Variants in FHIT observed in about 807,000 individuals in gnomAD.
The protein encoded by FHIT is fragile histidine triad diadenosine triphosphatase, also known as bis(5'-adenosyl)-triphosphatase.
FHIT carries 19 observed loss-of-function variants against 17.9 expected under a neutral mutation model. The observed-to-expected ratio is 1.06, with a 90% CI of 0.74 to 1.56. The LOEUF is 1.56. FHIT is among the 40% of genes most tolerant of loss of function. The pLI is 0.00. For synonymous variants in FHIT, 81 were observed against 69.7 expected (o/e 1.16, Z -0.81); for missense variants, 248 against 189.2 (o/e 1.31, Z -1.82).
chr3:60,512,886 A>T (rs1487407625), intron 5 of FHIT, among the ~76,000 whole-genome samples: 1 of 152,228 alleles, frequency 6.6e-6, no homozygotes, highest in Non-Finnish European at 1.5e-5. Flanking sequence ...TTTAATAACC[A>T]AATGCAATTT....
chr3:60,031,290 T>C (rs983836285), intron 5 of FHIT, among the ~76,000 whole-genome samples: 6 of 152,184 alleles, frequency 3.9e-5, no homozygotes, highest in Non-Finnish European at 5.9e-5. Flanking sequence ...GAACAGCCTA[T>C]AGCACATTCA....
chr3:59,803,735 C>T (rs950808118), intron 8 of FHIT, among the ~76,000 whole-genome samples: 3 of 148,642 alleles, frequency 2.0e-5, no homozygotes, highest in Non-Finnish European at 4.5e-5. Flanking sequence ...TTGCCTTGAA[C>T]AACCAAGCCT....
chr3:60,925,230 G>A (rs1286714183), intron 3 of FHIT, among the ~76,000 whole-genome samples: 1 of 152,146 alleles, frequency 6.6e-6, no homozygotes, highest in Admixed American at 6.5e-5. Flanking sequence ...TACTCCTCGA[G>A]AAGAGCAACT....
At chr3:60,490,822 G>C (rs1420331973) in intron 5 of FHIT, among the ~76,000 whole-genome samples, 1 of 152,130 alleles carries the variant, frequency 6.6e-6, no homozygotes, top group Non-Finnish European at 1.5e-5. Flanking sequence ...CTACAGGGTA[G>C]ATAGTAGCAT....
At chr3:59,844,018 C>A (rs984287308) in intron 8 of FHIT, among the ~76,000 whole-genome samples, 11 of 152,062 alleles carry the variant, frequency 7.2e-5, no homozygotes, top group Non-Finnish European at 1.2e-4. Flanking sequence ...CCCACACCCT[C>A]CTTCTCTTTT....
chr3:60,976,628 A>C (rs1371767708), intron 3 of FHIT, among the ~76,000 whole-genome samples: 1 of 152,198 alleles, frequency 6.6e-6, no homozygotes, highest in Non-Finnish European at 1.5e-5. Flanking sequence ...TGTTTCTGTG[A>C]AGAACATGTT....
At chr3:60,747,439 A>G (rs1338824768) in intron 4 of FHIT, among the ~76,000 whole-genome samples, 1 of 152,156 alleles carries the variant, frequency 6.6e-6, no homozygotes, top group Non-Finnish European at 1.5e-5. Flanking sequence ...TTGTATCCCC[A>G]GCCCCTAGCA....
intron 4 of FHIT, among the ~76,000 whole-genome samples, chr3:60,733,126 T>C (rs1433290687): frequency 6.6e-6 from 1 of 152,210 alleles, no homozygotes; most frequent in African/African-American, 2.4e-5. Context: ...GCAAGCATGA[T>C]GCTAGAGAGC....
At chr3:60,679,519 G>A (rs1213840513) in intron 4 of FHIT, among the ~76,000 whole-genome samples, 2 of 152,044 alleles carry the variant, frequency 1.3e-5, no homozygotes, top group South Asian at 2.1e-4. Flanking sequence ...ACATAGCAAT[G>A]CAATTTTCCC....
chr3:60,036,226 A>T (rs1239138200), intron 5 of FHIT, among the ~76,000 whole-genome samples: 1 of 152,184 alleles, frequency 6.6e-6, no homozygotes. Context: ...CCCTATCTCC[A>T]TGTGTCCCAA....
At chr3:61,234,483 A>G (rs1321128531) in intron 1 of FHIT, among the ~76,000 whole-genome samples, 1 of 152,148 alleles carries the variant, frequency 6.6e-6, no homozygotes, top group Admixed American at 6.5e-5. Context: ...AGAAAACAAA[A>G]CTGTATGTAA....
Position 59,993,814 on chromosome 3 carries a change from C to A in FHIT, c.279+17557G>T, listed in dbSNP as rs1176015988. On this transcript the variant is annotated intron_variant, in intron 7 of 9. Transcript: ENST00000492590. ...CTAGGTCTTGAGCAAGTCACTGCTT[C>A]CCTCTGAACCTCAGTTAACCTCATC... 5.9e-5 allele frequency among the ~76,000 whole-genome samples: 9 copies of A among 152,120 alleles called. No individual in the cohort carries two copies. The East Asian group carries it at 1.6e-3, about 26-fold the overall frequency.
chr3:61,016,999 T>C (rs2032147446), intron 3 of FHIT, among the ~76,000 whole-genome samples: 1 of 140,268 alleles, frequency 7.1e-6, no homozygotes, highest in Non-Finnish European at 1.5e-5. Context: ...AAAAATAAAA[T>C]ACAGAGGCTG....
At chr3:59,934,310 T>C (rs895652453) in intron 7 of FHIT, among the ~76,000 whole-genome samples, 4 of 152,144 alleles carry the variant, frequency 2.6e-5, no homozygotes, top group African/African-American at 9.7e-5. Context: ...CCAAGTGTGA[T>C]ACTACTATCA....
chr3:60,984,327 T>A (rs780016177), intron 3 of FHIT, among the ~76,000 whole-genome samples: 1 of 152,252 alleles, frequency 6.6e-6, no homozygotes, highest in Non-Finnish European at 1.5e-5. Flanking sequence ...TCTGCTAATG[T>A]TCTTCTTAAG....
intron 5 of FHIT, among the ~76,000 whole-genome samples, chr3:60,251,796 C>G (rs1233750833): frequency 6.6e-6 from 1 of 152,166 alleles, no homozygotes; most frequent in African/African-American, 2.4e-5. Context: ...GGAAATCTTG[C>G]TTGTAAGTCA....
intron 3 of FHIT, among the ~76,000 whole-genome samples, chr3:60,857,410 C>T (rs1005061304): frequency 1.3e-5 from 2 of 152,146 alleles, no homozygotes; most frequent in African/African-American, 4.8e-5. Flanking sequence ...AGCTTCACTA[C>T]TTATCAGCTG....
intron 8 of FHIT, among the ~76,000 whole-genome samples, chr3:59,827,300 T>A (rs1326621983): frequency 1.3e-5 from 2 of 152,200 alleles, no homozygotes; most frequent in Non-Finnish European, 2.9e-5. Flanking sequence ...ACTGCTGAGT[T>A]AAATTGGAAT....
chr3:60,303,768 A>G (rs1708544907), intron 5 of FHIT, among the ~76,000 whole-genome samples: 1 of 152,030 alleles, frequency 6.6e-6, no homozygotes, highest in African/African-American at 2.4e-5. Context: ...GATGAGAAAT[A>G]CTCCCAGTTG....
Sources: gnomAD v4.1 joint callset for allele counts (sites outside exome capture counted in the v4.1 genomes callset) on GRCh38, gnomAD v4.1.1 for gene constraint, MANE v1.5 for transcripts, NCBI Gene and HGNC (gene_info 2026-07-23, HGNC 2026-07-21) for gene names.